RPS6KC1: variants seen among roughly 807,000 people sequenced by gnomAD.
RPS6KC1 encodes the protein inactive ribosomal protein S6 kinase delta-1.
Under a neutral mutation model 103.8 loss-of-function variants are expected in RPS6KC1, and 54 were observed. That is an observed-to-expected ratio of 0.52 (90% CI 0.42 to 0.65). The LOEUF (loss-of-function observed/expected upper bound fraction) is 0.65, where lower values mean the gene tolerates loss of function less well. Ranked by LOEUF, RPS6KC1 falls within the 30% of genes least tolerant of loss-of-function variation. The pLI is 0.00. For synonymous variants in RPS6KC1, 439 were observed against 438.7 expected (o/e 1.00, Z -0.01); for missense variants, 1,151 against 1,253.8 (o/e 0.92, Z 1.24).
chr1:213,591,244 C>T, the RPS6KC1 span, among the ~76,000 whole-genome samples: 1 of 152,246 alleles, frequency 6.6e-6, no homozygotes, highest in Non-Finnish European at 1.5e-5. Flanking sequence ...TCTGCAACAG[C>T]AGCCTTACTA....
chr1:213,451,455 GA>G, the RPS6KC1 span, among the ~76,000 whole-genome samples: 1 of 152,212 alleles, frequency 6.6e-6, no homozygotes, highest in East Asian at 1.9e-4. Context: ...GCAGTTGACA[GA>G]AGATTGCATG....
the RPS6KC1 span, among the ~76,000 whole-genome samples, chr1:213,690,033 C>A: frequency 6.6e-6 from 1 of 152,190 alleles, no homozygotes; most frequent in Admixed American, 6.5e-5. Context: ...GCATGGCCCC[C>A]AGCATCCCAC....
chr1:213,762,051 AGAG>A, the RPS6KC1 span, among the ~76,000 whole-genome samples: 3,586 of 152,022 alleles, frequency 0.024, 68 homozygotes, highest in East Asian at 0.057. Flanking sequence ...GAGGAGGAAA[AGAG>A]GAGAAAAGGA....
At chr1:213,520,384 G>A in the RPS6KC1 span, among the ~76,000 whole-genome samples, 1 of 152,124 alleles carries the variant, frequency 6.6e-6, no homozygotes, top group Admixed American at 6.5e-5. Flanking sequence ...CACGAGAACA[G>A]TATGAGGAAA....
intron 6 of RPS6KC1, among the ~76,000 whole-genome samples, chr1:213,165,538 C>A (rs555275499): frequency 6.6e-6 from 1 of 152,206 alleles, no homozygotes; most frequent in African/African-American, 2.4e-5. Flanking sequence ...ATTCTCCTGC[C>A]TCAGCCTCTT....
At chr1:213,302,041 C>T in the RPS6KC1 span, among the ~76,000 whole-genome samples, 1 of 152,004 alleles carries the variant, frequency 6.6e-6, no homozygotes, top group Non-Finnish European at 1.5e-5. Flanking sequence ...CGGCCAAGAC[C>T]CCATTTATAA....
the RPS6KC1 span, chr1:213,428,571 TCTCCCTCCCTCCCTCCCTTCCTGC>T: frequency 1.0e-5 from 1 of 97,498 alleles, no homozygotes; most frequent in Non-Finnish European, 2.2e-5. Flanking sequence ...TCGCTCTTTA[TCTCCCTCCCTCCCTCCCTTCCTGC>T]CTCCCTCCCT....
the RPS6KC1 span, among the ~76,000 whole-genome samples, chr1:213,483,072 T>A: frequency 2.0e-5 from 3 of 152,232 alleles, no homozygotes; most frequent in African/African-American, 7.2e-5. Flanking sequence ...TTAAGCAAAA[T>A]TTTAAAAGTA....
the RPS6KC1 span, among the ~76,000 whole-genome samples, chr1:213,322,598 A>C: frequency 6.6e-6 from 1 of 152,210 alleles, no homozygotes; most frequent in African/African-American, 2.4e-5. Context: ...TCTTGAGGTC[A>C]AAGTCGTAAA....
chr1:213,136,908 G>T (rs1190481502), intron 6 of RPS6KC1, among the ~76,000 whole-genome samples: 3 of 152,252 alleles, frequency 2.0e-5, no homozygotes, highest in Admixed American at 2.0e-4. Flanking sequence ...ATGTTGCCCA[G>T]ACTGTCTTGA....
the RPS6KC1 span, among the ~76,000 whole-genome samples, chr1:213,664,192 C>CGGGTG: frequency 3.3e-4 from 10 of 29,856 alleles, no homozygotes; most frequent in Admixed American, 9.3e-4. Flanking sequence ...AAGAAATGAG[C>CGGGTG]GGGGGGGCGG....
intron 8 of RPS6KC1, among the ~76,000 whole-genome samples, chr1:213,207,970 G>A (rs1043028073): frequency 6.6e-6 from 1 of 152,176 alleles, no homozygotes; most frequent in East Asian, 1.9e-4. Flanking sequence ...ACCGTACCCG[G>A]TCTTGAATAC....
At chr1:213,244,159 A>C (rs2094413816) in intron 12 of RPS6KC1, among the ~76,000 whole-genome samples, 1 of 151,970 alleles carries the variant, frequency 6.6e-6, no homozygotes, top group Non-Finnish European at 1.5e-5. Flanking sequence ...ATAGGATAAA[A>C]AATTGCATGT....
chr1:213,830,159 C>A, the RPS6KC1 span, among the ~76,000 whole-genome samples: 2 of 152,130 alleles, frequency 1.3e-5, no homozygotes, highest in Non-Finnish European at 2.9e-5. Flanking sequence ...CTTCATGCAT[C>A]TTTTGCATCG....
intron 3 of RPS6KC1, among the ~76,000 whole-genome samples, chr1:213,085,090 C>T (rs1047786632): frequency 6.6e-6 from 1 of 152,220 alleles, no homozygotes; most frequent in African/African-American, 2.4e-5. Flanking sequence ...AAATTGGTAT[C>T]ACTGGGCTGA....
rs770651124 is a variant in RPS6KC1, at chr1:213,105,414, A to G, written c.378+845A>G. 2.6e-5 allele frequency among the ~76,000 whole-genome samples: 4 copies of G among 152,062 alleles called. No individual in the cohort carries two copies. In the South Asian group the frequency reaches 6.2e-4, roughly 24 times the overall value. ...ACTTCTTTAAAATCTATTCACTTGTATAAGTTAAATTTCTTAGCCTATATA... is the reference window on the plus strand; with the variant it reads ...ACTTCTTTAAAATCTATTCACTTGTGTAAGTTAAATTTCTTAGCCTATATA... On this transcript the variant is annotated intron_variant, in intron 4 of 14. Transcript: ENST00000366960.
chr1:213,651,498 C>T, the RPS6KC1 span, among the ~76,000 whole-genome samples: 72 of 152,362 alleles, frequency 4.7e-4, no homozygotes, highest in Admixed American at 9.8e-4. Flanking sequence ...CTGTGGTCAA[C>T]ACTGGTGCAC....
chr1:213,620,500 G>C, the RPS6KC1 span, among the ~76,000 whole-genome samples: 1 of 152,120 alleles, frequency 6.6e-6, no homozygotes, highest in Non-Finnish European at 1.5e-5. Flanking sequence ...TCTCTTCAAG[G>C]GTAGGCCCAG....
intron 2 of RPS6KC1, chr1:213,072,758 T>C (rs2078999664): frequency 6.4e-6 from 1 of 155,570 alleles, no homozygotes; most frequent in Non-Finnish European, 1.4e-5. Flanking sequence ...GTGTGAACTA[T>C]TCTTTAGATT....
Sources: allele counts gnomAD v4.1 joint callset (sites outside exome capture counted in the v4.1 genomes callset), GRCh38; gene constraint gnomAD v4.1.1; transcripts MANE v1.5; gene names NCBI Gene and HGNC (gene_info 2026-07-23, HGNC 2026-07-21).